PSME3IP1: variants seen among roughly 807,000 people sequenced by gnomAD.
PSME3IP1 encodes proteasome activator subunit 3 interacting protein 1.
PSME3IP1 carries 13 observed loss-of-function variants against 34.1 expected under a neutral mutation model. That is an observed-to-expected ratio of 0.38 (90% CI 0.25 to 0.61). The LOEUF (loss-of-function observed/expected upper bound fraction) is 0.61. Ranked by LOEUF, PSME3IP1 falls within the 20% of genes least tolerant of loss-of-function variation. PSME3IP1 has a pLI of 0.60. For synonymous variants in PSME3IP1, 93 were observed against 114.3 expected (o/e 0.81, Z 1.19); for missense variants, 237 against 301.4 (o/e 0.79, Z 1.58).
In PSME3IP1 at chr16:57,152,937, T is replaced by C. The variant is rs2070103142; in HGVS notation, c.*1353A>G. ...TGAGATCCAGGGGCCTCTCTGCCCA[T>C]GTTCAAAGTCAGTAGCTGCTCTGCC... On this transcript the variant is annotated 3_prime_UTR_variant, in exon 7 of 7. Coordinates refer to ENST00000309137, the MANE Select transcript of PSME3IP1 (RefSeq NM_024946.4). 6.6e-6 allele frequency: 1 copy of C among 152,664 alleles called. No individual in the cohort carries two copies. The highest frequency in any genetic ancestry group is 1.5e-5 in the Non-Finnish European group (1 of 68,066). 9.5% of individuals were successfully genotyped at this position (152,664 alleles called of 1,614,324 possible). A position where few individuals can be genotyped will look rare whatever the true frequency, so the allele number is the denominator to read the frequency against.
At chr16:57,180,118 C>T (rs952615621) in intron 1 of PSME3IP1, among the ~76,000 whole-genome samples, 3 of 152,056 alleles carry the variant, frequency 2.0e-5, no homozygotes, top group Non-Finnish European at 4.4e-5. Flanking sequence ...TAACATATTC[C>T]GGTAGCAAAG....
chr16:57,175,932 C>T (rs1303323850), intron 1 of PSME3IP1, among the ~76,000 whole-genome samples: 2 of 152,182 alleles, frequency 1.3e-5, no homozygotes, highest in Admixed American at 6.5e-5. Context: ...ACTACTGTTG[C>T]TGAGGTTTAG....
chr16:57,178,855 G>T, intron 1 of PSME3IP1: 1 of 971,760 alleles, frequency 1.0e-6, no homozygotes, highest in Non-Finnish European at 1.2e-6. Flanking sequence ...TGTTTATTCT[G>T]CAAGAAAGAG....
At chr16:57,168,559 T>C (rs1267030088) in intron 4 of PSME3IP1, among the ~76,000 whole-genome samples, 1 of 151,972 alleles carries the variant, frequency 6.6e-6, no homozygotes, top group Non-Finnish European at 1.5e-5. Context: ...CCTAGCACTT[T>C]GGGAGGCCGA....
chr16:57,170,417 C>A (rs2145758521), intron 4 of PSME3IP1, among the ~76,000 whole-genome samples: 1 of 152,296 alleles, frequency 6.6e-6, no homozygotes, highest in South Asian at 2.1e-4. Flanking sequence ...ATGTGCTGCA[C>A]ATTCTCTGCA....
intron 1 of PSME3IP1, among the ~76,000 whole-genome samples, chr16:57,183,746 G>T (rs1227701869): frequency 1.3e-5 from 2 of 152,190 alleles, no homozygotes; most frequent in African/African-American, 4.8e-5. Flanking sequence ...TTCATCCTGA[G>T]GACTTCTCTG....
intron 6 of PSME3IP1, among the ~76,000 whole-genome samples, chr16:57,156,764 A>T (rs1249183352): frequency 6.6e-6 from 1 of 152,248 alleles, no homozygotes; most frequent in African/African-American, 2.4e-5. Flanking sequence ...AACAACTCAA[A>T]GAAAAAGAAA....
At chr16:57,161,051 A>G (rs1275578338) in intron 6 of PSME3IP1, among the ~76,000 whole-genome samples, 1 of 152,254 alleles carries the variant, frequency 6.6e-6, no homozygotes, top group African/African-American at 2.4e-5. Context: ...TCAAATTAAA[A>G]GGTATATTAG....
rs1439696511 is a variant in PSME3IP1, at chr16:57,159,242, T to C, written c.548-4735A>G. ...CAAATACCCCAATTATCTAGGAGGT[T>C]TCAAGAAAGAAAAGAGATTGCAAAT... On this transcript the variant is annotated intron_variant, in intron 6 of 6. Coordinates refer to ENST00000309137, the MANE Select transcript of PSME3IP1 (RefSeq NM_024946.4). 2.6e-5 allele frequency among the ~76,000 whole-genome samples: 4 copies of C among 152,068 alleles called. No homozygotes were observed. In the East Asian group the frequency reaches 5.8e-4, roughly 22 times the overall value.
At chr16:57,178,725 A>G in intron 1 of PSME3IP1, 3 of 982,756 alleles carry the variant, frequency 3.1e-6, no homozygotes, top group Non-Finnish European at 3.6e-6. Context: ...TATATAATTG[A>G]TGTCATCTTT....
At chr16:57,180,586 C>G (rs1245810972) in intron 1 of PSME3IP1, among the ~76,000 whole-genome samples, 1 of 149,446 alleles carries the variant, frequency 6.7e-6, no homozygotes, top group East Asian at 2.0e-4. Flanking sequence ...AGCAAGACTC[C>G]GTCTCAGAAA....
At position 57,153,411 on chromosome 16, in the gene PSME3IP1, C is replaced by T. The variant is rs1224698523; in HGVS notation, c.*879G>A. On this transcript the variant is annotated 3_prime_UTR_variant, in exon 7 of 7. Transcript: ENST00000309137. Reference sequence around the variant, plus strand: ...AATGGTCACAATATGCAAGTGTGTCCCACTCATTTACAATATTAGGATTCC... The same window carrying T: ...AATGGTCACAATATGCAAGTGTGTCTCACTCATTTACAATATTAGGATTCC... The T allele has an allele frequency of 6.6e-6, 1 of 152,124 alleles. No individual in the cohort carries two copies. Among genetic ancestry groups the T allele is most frequent in the African/African-American group, 2.4e-5 (1 of 41,414 alleles). The allele number at this position is 152,124 out of a possible 1,614,324, so 9.4% of individuals were successfully genotyped here.
intron 3 of PSME3IP1, 151 bp downstream of exon 3, chr16:57,172,625 C>CT (rs1238652213): frequency 4.0e-6 from 3 of 744,166 alleles, no homozygotes; most frequent in Non-Finnish European, 6.9e-6. Context: ...GTCTAGAAGG[C>CT]TGAAGGCTGT....
chr16:57,154,115 C>T lies in PSME3IP1; in HGVS notation c.*175G>A, dbSNP rs561470498. Reference sequence around the variant, plus strand: ...GTGGAGTAGAAAGAGGAACCAAACACGATTCGGGCCACAGGTGGATTCTGG... The same window carrying T: ...GTGGAGTAGAAAGAGGAACCAAACATGATTCGGGCCACAGGTGGATTCTGG... On this transcript the variant is annotated 3_prime_UTR_variant, in exon 7 of 7. Transcript: ENST00000309137. This position sits in a 1 kb window ranked among gnomAD's most constrained non-coding sequence, Gnocchi z 4.0. 1.2e-5 allele frequency: 7 copies of T among 606,058 alleles called. No individual in the cohort carries two copies. The highest frequency in any genetic ancestry group is 2.9e-5 in the East Asian group (1 of 35,026). 37.5% of individuals were successfully genotyped at this position (606,058 alleles called of 1,614,324 possible). A position where few individuals can be genotyped will look rare whatever the true frequency, so the allele number is the denominator to read the frequency against.
intron 1 of PSME3IP1, among the ~76,000 whole-genome samples, chr16:57,181,380 GA>G (rs1357903319): frequency 2.0e-5 from 3 of 147,930 alleles, no homozygotes; most frequent in East Asian, 2.0e-4. Context: ...AGGATATAGA[GA>G]AAAAAAAAAC....
intron 3 of PSME3IP1, among the ~76,000 whole-genome samples, 195 bp from the exon 4 acceptor site, chr16:57,172,567 T>C (rs2072712036): frequency 6.6e-6 from 1 of 151,846 alleles, no homozygotes; most frequent in African/African-American, 2.4e-5. Context: ...AATATTACCA[T>C]AGAATTAAAA....
In PSME3IP1 at chr16:57,154,188, T is replaced by G; in HGVS notation, c.*102A>C. 1.1e-6 allele frequency: 1 copy of G among 896,882 alleles called. No individual in the cohort carries two copies. The highest frequency in any genetic ancestry group is 1.7e-6 in the Non-Finnish European group (1 of 574,028). The allele number at this position is 896,882 out of a possible 1,614,324, so 55.6% of individuals were successfully genotyped here. A position where few individuals can be genotyped will look rare whatever the true frequency, so the allele number is the denominator to read the frequency against. On this transcript the variant is annotated 3_prime_UTR_variant, in exon 7 of 7. Transcript: ENST00000309137. This position sits in a 1 kb window ranked among gnomAD's most constrained non-coding sequence, Gnocchi z 4.0. ...TAAAAATGTCATGTTGTACACAGGA[T>G]GCAGGCAAAGGAGTTTTTTTTTGAG... is the stretch of plus-strand genomic sequence containing the variant.
At position 57,167,181 on chromosome 16, in the gene PSME3IP1, C is replaced by T. The variant is rs2145684818; in HGVS notation, c.394G>A (p.Val132Met). ...VGISQENKKE[V>M]EKKLTVKPIE... ...GGCTTCACAGTCAGTTTCTTTTCCA[C>T]TTCCTTCTTGTTCTCTTGAGAAATT... is the stretch of plus-strand genomic sequence containing the variant. Residue 132 changes from valine (V) to methionine (M), a missense_variant, in exon 5 of 7, where the codon GTG becomes ATG. Physicochemically the swap from Val to Met is conservative, Grantham distance 21. Transcript: ENST00000309137. 1 of 1,614,228 alleles carries T rather than the reference C, an allele frequency of 6.2e-7. No individual in the cohort carries two copies. The highest frequency in any genetic ancestry group is 1.1e-5 in the South Asian group (1 of 91,086).
chr16:57,171,811 T>C (rs1477825226), intron 4 of PSME3IP1, among the ~76,000 whole-genome samples: 3 of 152,228 alleles, frequency 2.0e-5, no homozygotes, highest in African/African-American at 4.8e-5. Flanking sequence ...AAGGCAACAC[T>C]GATCTAGAGC....
Sources: allele counts gnomAD v4.1 joint callset (sites outside exome capture counted in the v4.1 genomes callset), GRCh38; gene constraint gnomAD v4.1.1; non-coding constraint Gnocchi (gnomAD v3.1); transcripts MANE v1.5; gene names NCBI Gene and HGNC (gene_info 2026-07-23, HGNC 2026-07-21).